Variants in SIAH3 observed in about 807,000 individuals in gnomAD.
SIAH3 encodes seven in absentia homolog 3.
SIAH3 carries 9 observed loss-of-function variants against 12.6 expected under a neutral mutation model. The observed-to-expected ratio is 0.72, with a 90% CI of 0.43 to 1.25. The LOEUF (loss-of-function observed/expected upper bound fraction) is 1.25. Among genes scored for constraint, SIAH3 ranks in the 50% most tolerant of loss-of-function variants. The probability of loss-of-function intolerance (pLI) is 0.00; values close to 1 mark genes in which losing one functional copy is unlikely to be tolerated. For missense variants in SIAH3, 390 were observed against 365.4 expected, an observed-to-expected ratio of 1.07 and a Z score of -0.55; for synonymous variants, 154 against 151.1, an observed-to-expected ratio of 1.02 and a Z score of -0.14.
At position 45,851,538 on chromosome 13, in the gene SIAH3, G is replaced by A; in HGVS notation, c.92C>T (p.Ala31Val). 1 of 1,614,146 alleles carries A rather than the reference G, an allele frequency of 6.2e-7. No homozygotes were observed. The highest frequency in any genetic ancestry group is 8.5e-7 in the Non-Finnish European group (1 of 1,180,024). ...HYKAKRVFSA[A>V]GQLVCVVNPT... ...GTTGACGACACAGACAAGTTGCCCG[G>A]CAGCGGAGAAAACCCGTTTAGCCTT... Residue 31 changes from alanine (A) to valine (V), a missense_variant, in exon 1 of 2, where the codon GCC becomes GTC. Ala to Val is a moderately conservative substitution (Grantham distance 64). Transcript: ENST00000400405.
At chr13:45,827,274 C>G (rs1024763758) in intron 1 of SIAH3, among the ~76,000 whole-genome samples, 15 of 152,144 alleles carry the variant, frequency 9.9e-5, no homozygotes, top group African/African-American at 3.1e-4. Flanking sequence ...AGTCAAGATG[C>G]TGGAGCTGCA....
chr13:45,792,506 T>C (rs1490415505), intron 1 of SIAH3, among the ~76,000 whole-genome samples: 1 of 151,948 alleles, frequency 6.6e-6, no homozygotes, highest in East Asian at 1.9e-4. Context: ...TACAGACAGG[T>C]GCCATCATGC....
chr13:45,787,348 C>T (rs981086906), intron 1 of SIAH3, among the ~76,000 whole-genome samples: 3 of 152,110 alleles, frequency 2.0e-5, no homozygotes, highest in African/African-American at 7.2e-5. Flanking sequence ...CACGTACACA[C>T]CACCCATCTT....
intron 1 of SIAH3, among the ~76,000 whole-genome samples, chr13:45,812,087 C>T (rs1419196539): frequency 6.6e-6 from 1 of 152,182 alleles, no homozygotes; most frequent in Non-Finnish European, 1.5e-5. Context: ...GGAGATGGAG[C>T]AGAAACAAGT....
chr13:45,796,568 A>T (rs1950563485), intron 1 of SIAH3, among the ~76,000 whole-genome samples: 1 of 152,200 alleles, frequency 6.6e-6, no homozygotes, highest in African/African-American at 2.4e-5. Flanking sequence ...GGGCCTAGAA[A>T]CACAGTAGAT....
chr13:45,796,810 G>A (rs574364840), intron 1 of SIAH3, among the ~76,000 whole-genome samples: 4 of 152,304 alleles, frequency 2.6e-5, no homozygotes, highest in African/African-American at 7.2e-5. Flanking sequence ...GCTGAGGGAC[G>A]GAGCAGCCAC....
intron 1 of SIAH3, among the ~76,000 whole-genome samples, chr13:45,846,430 C>G (rs911775533): frequency 6.6e-6 from 1 of 152,152 alleles, no homozygotes; most frequent in Non-Finnish European, 1.5e-5. Context: ...TCAGTAAGGT[C>G]TCCATTCTTT....
At chr13:45,807,694 T>C (rs913258247) in intron 1 of SIAH3, among the ~76,000 whole-genome samples, 1 of 152,182 alleles carries the variant, frequency 6.6e-6, no homozygotes, top group Non-Finnish European at 1.5e-5. Flanking sequence ...GACCAATGAC[T>C]GGACACCAGA....
chr13:45,844,778 C>A (rs918769429), intron 1 of SIAH3, among the ~76,000 whole-genome samples: 1 of 152,156 alleles, frequency 6.6e-6, no homozygotes, highest in Non-Finnish European at 1.5e-5. Flanking sequence ...TGAAACTGAT[C>A]CCTCACAAAA....
At chr13:45,842,774 T>G (rs962750930) in intron 1 of SIAH3, among the ~76,000 whole-genome samples, 10 of 152,182 alleles carry the variant, frequency 6.6e-5, no homozygotes, top group African/African-American at 2.4e-4. Context: ...ACTCCAAAAC[T>G]CATACCTTAA....
chr13:45,784,044 C>T lies in SIAH3; in HGVS notation c.149G>A (p.Arg50Gln), dbSNP rs1307740745. The T allele has an allele frequency of 5.7e-6, 9 of 1,586,468 alleles. No homozygotes were observed. The highest frequency in any genetic ancestry group is 1.3e-5 in the African/African-American group (1 of 74,504). ...PTHNLKYVSS[R>Q]RAVTQSAPEQ... is the part of the protein sequence containing the mutation. The stretch of plus-strand genomic sequence containing the variant: ...TGGAGCGCTCTGAGTGACGGCGCGC[C>T]GACTGGACACATACTGTAAGGAAAG... Residue 50 changes from arginine to glutamine, a missense_variant, in exon 2 of 2, where the codon CGG becomes CAG. By Grantham distance (43) the Arg-to-Gln change is conservative (BLOSUM62 1). Transcript: ENST00000400405.
chr13:45,803,756 G>T (rs1299153097), intron 1 of SIAH3, among the ~76,000 whole-genome samples: 1 of 152,134 alleles, frequency 6.6e-6, no homozygotes, highest in Admixed American at 6.5e-5. Context: ...ACATAGCATA[G>T]AAGAGCTATG....
chr13:45,802,007 G>A (rs1003210928), intron 1 of SIAH3, among the ~76,000 whole-genome samples: 6 of 152,172 alleles, frequency 3.9e-5, no homozygotes, highest in African/African-American at 1.2e-4. Context: ...GACTGTTGCA[G>A]AGTAAGAAAG....
In SIAH3 at chr13:45,831,358, G is replaced by A. The variant is rs142870075; in HGVS notation, c.135+20137C>T. On this transcript the variant is annotated intron_variant, in intron 1 of 1. Transcript: ENST00000400405. ...AGGAGCACAGATTTTATTACTTCCA[G>A]GAATTGAGGGAGGCACTAAGGCTTT... 3.9e-5 allele frequency among the ~76,000 whole-genome samples: 6 copies of A among 152,202 alleles called. No homozygotes were observed. In the East Asian group the frequency reaches 1.2e-3, roughly 29 times the overall value.
At chr13:45,819,781 A>G (rs929780889) in intron 1 of SIAH3, among the ~76,000 whole-genome samples, 9 of 152,168 alleles carry the variant, frequency 5.9e-5, no homozygotes, top group Non-Finnish European at 1.3e-4. Flanking sequence ...CTCTTCCCTC[A>G]AAGCCCCAAA....
chr13:45,851,461 A>G (rs529906481), intron 1 of SIAH3, 34 bp downstream of exon 1: 9 of 1,611,440 alleles, frequency 5.6e-6, no homozygotes, highest in Non-Finnish European at 7.6e-6. Flanking sequence ...CTTGAACCTG[A>G]GCCCGGTGAA....
intron 1 of SIAH3, among the ~76,000 whole-genome samples, chr13:45,847,879 G>A (rs554201148): frequency 3.3e-5 from 5 of 152,064 alleles, no homozygotes; most frequent in African/African-American, 4.8e-5. Context: ...ACCCCAGACC[G>A]ACCCCTAGCA....
At chr13:45,808,461 C>T (rs1489882394) in intron 1 of SIAH3, among the ~76,000 whole-genome samples, 1 of 152,254 alleles carries the variant, frequency 6.6e-6, no homozygotes, top group Admixed American at 6.5e-5. Flanking sequence ...ACACATTCAT[C>T]AATGACATGG....
At chr13:45,838,640 G>C (rs1950727709) in intron 1 of SIAH3, among the ~76,000 whole-genome samples, 1 of 152,122 alleles carries the variant, frequency 6.6e-6, no homozygotes, top group African/African-American at 2.4e-5. Context: ...CATGTCTGAG[G>C]CCTTTCCTTA....
Sources: allele counts gnomAD v4.1 joint callset (sites outside exome capture counted in the v4.1 genomes callset), GRCh38; gene constraint gnomAD v4.1.1; transcripts MANE v1.5; gene names NCBI Gene and HGNC (gene_info 2026-07-23, HGNC 2026-07-21).